Variants in LHX8 observed in about 807,000 individuals in gnomAD.
LHX8 encodes the protein LIM/homeobox protein Lhx8.
In LHX8, 12 loss-of-function variants were observed where a neutral mutation model predicts 40.3. The ratio of observed to expected loss-of-function variants is 0.30; its 90% confidence interval spans 0.19 to 0.48. LHX8 has a LOEUF of 0.48. Among genes scored for constraint, LHX8 ranks in the 20% least tolerant of loss-of-function variants. The pLI, the probability that LHX8 is intolerant of heterozygous loss-of-function variation, is 0.99. For missense variants in LHX8, 344 were observed against 433.7 expected, an observed-to-expected ratio of 0.79 and a Z score of 1.84; for synonymous variants, 179 against 162.0, an observed-to-expected ratio of 1.10 and a Z score of -0.80.
At chr1:75,150,307 A>G (rs1263834879) in intron 7 of LHX8, among the ~76,000 whole-genome samples, 1 of 152,226 alleles carries the variant, frequency 6.6e-6, no homozygotes, top group Non-Finnish European at 1.5e-5. Context: ...CAGGAATGTG[A>G]AAGTCAAAAG....
chr1:75,194,919 A>T, the LHX8 span, among the ~76,000 whole-genome samples: 1 of 152,184 alleles, frequency 6.6e-6, no homozygotes, highest in Non-Finnish European at 1.5e-5. Context: ...AGGGAATCTT[A>T]CAACTTGAAG....
At chr1:75,179,681 C>A in the LHX8 span, among the ~76,000 whole-genome samples, 1 of 151,880 alleles carries the variant, frequency 6.6e-6, no homozygotes, top group Admixed American at 6.6e-5. Flanking sequence ...GGTATTTAGC[C>A]CATTTACATT....
At chr1:75,187,675 GAGA>G in the LHX8 span, among the ~76,000 whole-genome samples, 4 of 152,234 alleles carry the variant, frequency 2.6e-5, no homozygotes, top group South Asian at 2.1e-4. Context: ...CAGTGGAGTG[GAGA>G]AGAAATGCTG....
chr1:75,149,692 T>A (rs1050134487), intron 7 of LHX8, among the ~76,000 whole-genome samples: 2 of 152,086 alleles, frequency 1.3e-5, no homozygotes, highest in Non-Finnish European at 2.9e-5. Context: ...GGACCACAGT[T>A]GCACACCACC....
At chr1:75,131,014 T>C (rs1040781642), upstream of LHX8, 2 of 490,366 alleles carry the variant, frequency 4.1e-6, no homozygotes, top group African/African-American at 3.9e-5. Flanking sequence ...CACTGTACCC[T>C]TGGCGCTGGA....
intron 6 of LHX8, among the ~76,000 whole-genome samples, chr1:75,146,294 A>C (rs1374681620): frequency 6.6e-6 from 1 of 152,138 alleles, no homozygotes; most frequent in Non-Finnish European, 1.5e-5. Flanking sequence ...TAAATAAGAA[A>C]ATTTTCCAAA....
Position 75,134,401 on chromosome 1 carries a change from C to A in LHX8, c.-566C>A, listed in dbSNP as rs1228463583. ...CAGGAAAAGCTCAGTGCTCACTTCACTCAGAGCTCAGTGAAGCTGGGAAAG... is the reference window on the plus strand; with the variant it reads ...CAGGAAAAGCTCAGTGCTCACTTCAATCAGAGCTCAGTGAAGCTGGGAAAG... On this transcript the variant is annotated 5_prime_UTR_variant, in exon 1 of 9. Transcript: ENST00000356261. Among the ~76,000 whole-genome samples, 1 of 151,776 alleles carries A rather than the reference C, an allele frequency of 6.6e-6. No individual in the cohort carries two copies. The highest frequency in any genetic ancestry group is 2.4e-5 in the African/African-American group (1 of 41,280).
intron 6 of LHX8, 108 bp from the exon 7 acceptor site, chr1:75,148,479 A>C: frequency 5.1e-6 from 4 of 780,364 alleles, no homozygotes; most frequent in Non-Finnish European, 9.1e-6. Flanking sequence ...CAAGTAACAA[A>C]AGTATCCCAT....
chr1:75,199,406 G>A, the LHX8 span, among the ~76,000 whole-genome samples: 2 of 152,168 alleles, frequency 1.3e-5, no homozygotes, highest in Admixed American at 6.5e-5. Context: ...CAGGCTCCAC[G>A]TTAATTTGTA....
chr1:75,143,057 G>T lies in LHX8; in HGVS notation c.360-61G>T. The T allele has an allele frequency of 2.3e-6, 3 of 1,289,240 alleles. No individual in the cohort carries two copies. In the South Asian group the frequency reaches 3.6e-5, roughly 15 times the overall value. 79.9% of individuals were successfully genotyped at this position (1,289,240 alleles called of 1,614,324 possible). On this transcript the variant is annotated intron_variant, in intron 4 of 8. Coordinates refer to ENST00000356261, the MANE Select transcript of LHX8 (RefSeq NM_001256114.2). ...AAGATAATGTGCTGGTTTAATATTC[G>T]ACTGATGAATATCTCACCAGGCATT...
downstream of LHX8, among the ~76,000 whole-genome samples, chr1:75,165,675 C>G (rs1021487951): frequency 1.3e-5 from 2 of 152,116 alleles, no homozygotes; most frequent in Non-Finnish European, 2.9e-5. Context: ...TTCCCCAGTT[C>G]CTGCCACCAA....
the LHX8 span, among the ~76,000 whole-genome samples, chr1:75,196,751 C>T: frequency 7.8e-4 from 118 of 152,246 alleles, no homozygotes; most frequent in Non-Finnish European, 1.1e-3. Context: ...CAGCAATAGA[C>T]GAGAGTTACT....
At chr1:75,166,596 T>C in the LHX8 span, among the ~76,000 whole-genome samples, 15,272 of 152,256 alleles carry the variant, frequency 0.1, 1,157 homozygotes, top group African/African-American at 0.2. Context: ...CCAGCATGGT[T>C]CTGAACCACA....
intron 3 of LHX8, among the ~76,000 whole-genome samples, chr1:75,140,465 G>T (rs1648281148): frequency 6.6e-6 from 1 of 152,098 alleles, no homozygotes; most frequent in Non-Finnish European, 1.5e-5. Context: ...TTTCTGTCCT[G>T]TATAGGTAAC....
chr1:75,140,990 T>C lies in LHX8; in HGVS notation c.243T>C (p.Asn81=). The C allele has an allele frequency of 6.2e-7, 1 of 1,613,608 alleles. No individual in the cohort carries two copies. Residue 81 remains asparagine (N), a synonymous_variant, in exon 4 of 9, where the codon AAT becomes AAC. Transcript: ENST00000356261. Reference sequence around the variant, plus strand: ...GGCTTCTCTTCCCTTCACAGGTGAATGACCTATGCTGGCATGTCCGGTGTC... The same window carrying C: ...GGCTTCTCTTCCCTTCACAGGTGAACGACCTATGCTGGCATGTCCGGTGTC... The part of the protein sequence containing the change: ...EIVDKYLLKV[N]DLCWHVRCLS...
the LHX8 span, among the ~76,000 whole-genome samples, chr1:75,196,848 G>A: frequency 5.3e-5 from 8 of 152,136 alleles, no homozygotes; most frequent in African/African-American, 1.4e-4. Context: ...ACAGGCACAC[G>A]CTGCAGGCAT....
In LHX8 at chr1:75,145,171, CTGTT is replaced by C. The variant is rs1648427659; in HGVS notation, c.684+1226_684+1229del. On this transcript the variant is annotated intron_variant, in intron 6 of 8. Transcript: ENST00000356261. ...GATAAGCCAATTGAAAGAAATATCT[CTGTT>C]TGAGCCTTGCTTTCTGGGTTCTTCA... Among the ~76,000 whole-genome samples the C allele has an allele frequency of 3.3e-5, 5 of 152,200 alleles. No homozygotes were observed. The South Asian group carries it at 8.3e-4, about 25-fold the overall frequency.
chr1:75,199,154 CT>C, the LHX8 span, among the ~76,000 whole-genome samples: 1 of 152,146 alleles, frequency 6.6e-6, no homozygotes, highest in Non-Finnish European at 1.5e-5. Flanking sequence ...TATTGAGTTT[CT>C]TTTTCAATAG....
chr1:75,166,819 G>C, the LHX8 span, among the ~76,000 whole-genome samples: 1 of 152,168 alleles, frequency 6.6e-6, no homozygotes, highest in South Asian at 2.1e-4. Context: ...AGAAGGATCG[G>C]GAAACTTCTA....
Sources: gnomAD v4.1 joint callset for allele counts (sites outside exome capture counted in the v4.1 genomes callset) on GRCh38, gnomAD v4.1.1 for gene constraint, MANE v1.5 for transcripts, NCBI Gene and HGNC (gene_info 2026-07-23, HGNC 2026-07-21) for gene names.